The following PTPN1 variants were observed in gnomAD, a reference collection of about 807,000 sequenced individuals.
PTPN1 encodes the protein tyrosine-protein phosphatase non-receptor type 1.
A neutral mutation model predicts 59.9 loss-of-function variants in PTPN1; 12 were observed. The observed-to-expected ratio is 0.20, with a 90% CI of 0.13 to 0.32. The LOEUF (loss-of-function observed/expected upper bound fraction) is 0.32. PTPN1 is among the 10% of genes least tolerant of loss of function. The probability of loss-of-function intolerance (pLI) is 1.00; values close to 1 mark genes in which losing one functional copy is unlikely to be tolerated. For synonymous variants in PTPN1, 178 were observed against 203.6 expected (o/e 0.87, Z 1.07); for missense variants, 356 against 549.2 (o/e 0.65, Z 3.52).
At chr20:50,581,483 G>T (rs375169644) in intron 9 of PTPN1, 23 bp downstream of exon 9, 1 of 1,582,848 alleles carries the variant, frequency 6.3e-7, no homozygotes, top group East Asian at 2.3e-5. Context: ...TGACAGACGC[G>T]CTGGCGAGAT....
At chr20:50,519,777 T>A (rs2082543415) in intron 1 of PTPN1, among the ~76,000 whole-genome samples, 1 of 152,216 alleles carries the variant, frequency 6.6e-6, no homozygotes, top group Non-Finnish European at 1.5e-5. Context: ...AGGAAAGGTA[T>A]AGCGAAGTTA....
At chr20:50,546,703 C>G (rs1225284979) in intron 1 of PTPN1, among the ~76,000 whole-genome samples, 1 of 152,172 alleles carries the variant, frequency 6.6e-6, no homozygotes, top group Non-Finnish European at 1.5e-5. Context: ...AAAGTATCAT[C>G]CTAGTTTTGT....
chr20:50,521,559 CAG>C (rs1166948196), intron 1 of PTPN1, among the ~76,000 whole-genome samples: 1 of 152,172 alleles, frequency 6.6e-6, no homozygotes, highest in Non-Finnish European at 1.5e-5. Flanking sequence ...TGAAGAGAGA[CAG>C]GGGATTGTGC....
chr20:50,562,047 A>G (rs375450230), intron 2 of PTPN1, among the ~76,000 whole-genome samples: 23 of 152,346 alleles, frequency 1.5e-4, no homozygotes, highest in African/African-American at 5.1e-4. Context: ...CCGGTAGCTG[A>G]AAAGTAAATA....
In PTPN1 at chr20:50,582,666, A is replaced by C; in HGVS notation, c.1285-26A>C. ...GCTCTGCAGGTGCGGGTCTGGGCTC[A>C]TCTGAACTGTTTGGTTTCATTCCAG... On this transcript the variant is annotated intron_variant, in intron 9 of 9. Transcript: ENST00000371621. This position sits in a 1 kb window ranked among gnomAD's most constrained non-coding sequence, Gnocchi z 4.2. 6.2e-7 allele frequency: 1 copy of C among 1,612,968 alleles called. No homozygotes were observed. Among genetic ancestry groups the C allele is most frequent in the Non-Finnish European group, 8.5e-7 (1 of 1,179,574 alleles).
chr20:50,581,717 A>G (rs915069278), intron 9 of PTPN1, among the ~76,000 whole-genome samples: 2 of 152,088 alleles, frequency 1.3e-5, no homozygotes, highest in African/African-American at 4.8e-5. Flanking sequence ...AGGAGTAAGT[A>G]GAGAAAATGC....
chr20:50,563,556 G>T (rs2082763589), intron 2 of PTPN1, among the ~76,000 whole-genome samples: 1 of 152,158 alleles, frequency 6.6e-6, no homozygotes, highest in Non-Finnish European at 1.5e-5. Flanking sequence ...TTATCTCTGT[G>T]ATCCACTTAA....
At chr20:50,579,448 C>A in intron 7 of PTPN1, 119 bp downstream of exon 7, 1 of 1,233,392 alleles carries the variant, frequency 8.1e-7, no homozygotes, top group Non-Finnish European at 1.1e-6. Flanking sequence ...AGCTACCCTT[C>A]ATGTTTAAAA....
rs191814718 is a variant in PTPN1, at chr20:50,581,585, G to A, written c.1284+125G>A. Reference sequence around the variant, plus strand: ...CAGTCTCAGAAGAAACAGATCAAAGGTTTTTAAAGTCTGGAACTGTGGAAG... The same window carrying A: ...CAGTCTCAGAAGAAACAGATCAAAGATTTTTAAAGTCTGGAACTGTGGAAG... On this transcript the variant is annotated intron_variant, in intron 9 of 9. Coordinates refer to ENST00000371621, the MANE Select transcript of PTPN1 (RefSeq NM_002827.4). 7.0e-5 allele frequency: 81 copies of A among 1,154,514 alleles called. No homozygotes were observed. The African/African-American group carries it at 1.2e-3, about 17-fold the overall frequency. The allele number at this position is 1,154,514 out of a possible 1,614,324, so 71.5% of individuals were successfully genotyped here.
chr20:50,510,710 G>A (rs1039299286), intron 1 of PTPN1, 120 bp downstream of exon 1: 3 of 1,058,100 alleles, frequency 2.8e-6, no homozygotes, highest in Non-Finnish European at 3.9e-6. Flanking sequence ...TACTGCTTGA[G>A]GATTCGATGG....
chr20:50,561,771 T>C (rs537112454), intron 2 of PTPN1, among the ~76,000 whole-genome samples: 20 of 152,288 alleles, frequency 1.3e-4, no homozygotes, highest in African/African-American at 4.1e-4. Context: ...TAAAACCTTT[T>C]CTGGATGACT....
At chr20:50,575,991 G>A (rs983573419) in intron 5 of PTPN1, among the ~76,000 whole-genome samples, 4 of 152,152 alleles carry the variant, frequency 2.6e-5, no homozygotes, top group African/African-American at 4.8e-5. Context: ...TTACCAGGAC[G>A]TAGGCAAGGG....
chr20:50,576,287 G>A (rs1408135186), intron 5 of PTPN1, among the ~76,000 whole-genome samples: 2 of 152,244 alleles, frequency 1.3e-5, no homozygotes, highest in Non-Finnish European at 2.9e-5. Flanking sequence ...TTTGCTTGTT[G>A]AGGGAAACTG....
intron 3 of PTPN1, among the ~76,000 whole-genome samples, chr20:50,567,956 C>T (rs1002999283): frequency 9.2e-5 from 14 of 152,196 alleles, no homozygotes; most frequent in African/African-American, 2.9e-4. Flanking sequence ...AAGTGACTTG[C>T]GCAAGGTCAC....
chr20:50,570,979 T>A (rs2082805588), intron 4 of PTPN1: 1 of 152,232 alleles, frequency 6.6e-6, no homozygotes, highest in Non-Finnish European at 1.5e-5. Flanking sequence ...TATAGTAGCA[T>A]TTGCTTCTTA....
chr20:50,517,294 G>A (rs901658420), intron 1 of PTPN1, among the ~76,000 whole-genome samples: 2 of 151,768 alleles, frequency 1.3e-5, no homozygotes, highest in African/African-American at 2.4e-5. Flanking sequence ...TTGCTGTGTC[G>A]TCCAGGCTGG....
At chr20:50,534,265 T>G (rs532131077) in intron 1 of PTPN1, among the ~76,000 whole-genome samples, 1 of 152,328 alleles carries the variant, frequency 6.6e-6, no homozygotes, top group East Asian at 1.9e-4. Context: ...TTTAGCAAAT[T>G]TAATCCAAAT....
chr20:50,569,756 C>T (rs777671247), intron 4 of PTPN1, among the ~76,000 whole-genome samples: 275 of 152,332 alleles, frequency 1.8e-3, no homozygotes, highest in Middle Eastern at 6.8e-3. Context: ...TGTAGACTGT[C>T]TCTGTAGACC....
At chr20:50,554,381 TCTCTCTCTCTC>T (rs2082716984) in intron 1 of PTPN1, among the ~76,000 whole-genome samples, 9 of 19,346 alleles carry the variant, frequency 4.7e-4, no homozygotes, top group Admixed American at 4.1e-3. Context: ...CAAGACCACA[TCTCTCTCTCTC>T]TCTCTCTCTC....
Sources: allele counts gnomAD v4.1 joint callset (sites outside exome capture counted in the v4.1 genomes callset), GRCh38; gene constraint gnomAD v4.1.1; non-coding constraint Gnocchi (gnomAD v3.1); transcripts MANE v1.5; gene names NCBI Gene and HGNC (gene_info 2026-07-23, HGNC 2026-07-21).